Variants in HDAC8 observed in about 807,000 individuals in gnomAD.
HDAC8 encodes the protein histone deacetylase-like 1.
Under a neutral mutation model 32.2 loss-of-function variants are expected in HDAC8, and 1 was observed. That is an observed-to-expected ratio of 0.03 (90% confidence interval 0.01 to 0.15). The LOEUF is 0.15. Ranked by LOEUF, HDAC8 falls within the 10% of genes least tolerant of loss-of-function variation. HDAC8 has a pLI of 1.00. For synonymous variants in HDAC8, 108 were observed against 113.9 expected (o/e 0.95, Z 0.33); for missense variants, 117 against 300.0 (o/e 0.39, Z 4.51).
intron 4 of HDAC8, among the ~76,000 whole-genome samples, chrX:72,503,449 T>C (rs1217709416): frequency 1.8e-5 from 2 of 111,979 alleles, no homozygotes; most frequent in African/African-American, 6.5e-5. Flanking sequence ...GTTTGGAATA[T>C]TGCTAAAGCT....
At chrX:72,532,559 T>C (rs1161013858) in intron 4 of HDAC8, among the ~76,000 whole-genome samples, 1 of 107,022 alleles carries the variant, frequency 9.3e-6, no homozygotes, top group Non-Finnish European at 1.9e-5. Context: ...TAGCACGCTG[T>C]AACCTCAAAC....
intron 4 of HDAC8, among the ~76,000 whole-genome samples, chrX:72,522,099 A>G (rs922439368): frequency 3.6e-4 from 40 of 112,241 alleles, no homozygotes; most frequent in Non-Finnish European, 6.4e-4. Context: ...GTGAAACCCA[A>G]CAGGCACACA....
chrX:72,453,487 A>AGAAAGAAAGAAG (rs1555988490), intron 9 of HDAC8, among the ~76,000 whole-genome samples: 13 of 105,547 alleles, frequency 1.2e-4, no homozygotes, highest in African/African-American at 4.6e-4. Flanking sequence ...AAAGAAAGAA[A>AGAAAGAAAGAAG]GAAAGAAAGA....
At chrX:72,426,718 T>C (rs1377684955) in intron 9 of HDAC8, among the ~76,000 whole-genome samples, 1 of 110,817 alleles carries the variant, frequency 9.0e-6, no homozygotes, top group African/African-American at 3.3e-5. Context: ...TGGCTGTGTA[T>C]GCAGTCACAA....
intron 9 of HDAC8, among the ~76,000 whole-genome samples, chrX:72,441,488 G>A (rs377115646): frequency 3.6e-5 from 4 of 112,072 alleles, no homozygotes; most frequent in African/African-American, 9.7e-5. Flanking sequence ...TGTCTGTTAG[G>A]AGGAAAACTA....
chrX:72,350,838 G>A (rs946865759), intron 10 of HDAC8, among the ~76,000 whole-genome samples: 1 of 111,681 alleles, frequency 9.0e-6, no homozygotes, highest in Admixed American at 9.5e-5. Flanking sequence ...CCTCTACCCC[G>A]AGGCCAGAAT....
intron 7 of HDAC8, among the ~76,000 whole-genome samples, chrX:72,471,667 A>G (rs1303820411): frequency 8.9e-6 from 1 of 111,792 alleles, no homozygotes; most frequent in African/African-American, 3.3e-5. Context: ...AATAATATCT[A>G]TTTCAACCCT....
At chrX:72,565,803 G>T (rs1419468935) in intron 4 of HDAC8, among the ~76,000 whole-genome samples, 3 of 110,883 alleles carry the variant, frequency 2.7e-5, no homozygotes, top group African/African-American at 9.9e-5. Flanking sequence ...CCTGGGAGGG[G>T]AGAGGGTCAT....
rs142712434 is a variant in HDAC8, at chrX:72,331,870, C to T, written c.1112-1794G>A. The stretch of plus-strand genomic sequence containing the variant: ...TGTAACCTCAACCACAATCAAGATG[C>T]GAAACTATTTTATCACCACAAAGAT... On this transcript the variant is annotated intron_variant, in intron 10 of 10. Transcript: ENST00000373573. Among the ~76,000 whole-genome samples, 778 of 111,969 alleles carry T rather than the reference C, an allele frequency of 6.9e-3. 5 individuals carry two copies. The highest frequency in any genetic ancestry group is 0.024 in the African/African-American group (727 of 30,843).
Position 72,484,454 on chromosome X carries a change from A to G in HDAC8, c.737+4479T>C, listed in dbSNP as rs782585294. 1.9e-3 allele frequency among the ~76,000 whole-genome samples: 208 copies of G among 112,325 alleles called. 1 individual carries two copies. Among genetic ancestry groups the G allele is most frequent in the Non-Finnish European group, 3.6e-3 (189 of 53,238 alleles). On this transcript the variant is annotated intron_variant, in intron 7 of 10. Coordinates refer to ENST00000373573, the MANE Select transcript of HDAC8 (RefSeq NM_018486.3). ...CCTTTTGGTGAAATTACTAAGCTGA[A>G]TAGTTGAATATTCTTAAAAAAACAT... is the stretch of plus-strand genomic sequence containing the variant.
chrX:72,384,785 G>A (rs2045374933), intron 9 of HDAC8, among the ~76,000 whole-genome samples: 1 of 112,441 alleles, frequency 8.9e-6, no homozygotes, highest in Non-Finnish European at 1.9e-5. Context: ...TAGATACCCA[G>A]TTCCCTTACC....
At chrX:72,397,346 T>C (rs1401208149) in intron 9 of HDAC8, among the ~76,000 whole-genome samples, 1 of 112,281 alleles carries the variant, frequency 8.9e-6, no homozygotes, top group African/African-American at 3.2e-5. Flanking sequence ...CTTTATCTCT[T>C]CTGCAGCTCC....
intron 9 of HDAC8, among the ~76,000 whole-genome samples, chrX:72,361,635 C>T (rs1415595122): frequency 9.2e-6 from 1 of 108,414 alleles, no homozygotes; most frequent in African/African-American, 3.4e-5. Context: ...TGTGTGTGTG[C>T]GTGTATATGT....
At chrX:72,548,275 T>G (rs2050931117) in intron 4 of HDAC8, among the ~76,000 whole-genome samples, 1 of 111,510 alleles carries the variant, frequency 9.0e-6, no homozygotes, top group Non-Finnish European at 1.9e-5. Flanking sequence ...ACCTACCAAA[T>G]CAAGATGTCT....
chrX:72,374,931 A>G (rs782729969), intron 9 of HDAC8, among the ~76,000 whole-genome samples: 2 of 106,085 alleles, frequency 1.9e-5, no homozygotes, highest in African/African-American at 6.9e-5. Context: ...CACCCTCTCC[A>G]CCTACTGCCT....
intron 10 of HDAC8, among the ~76,000 whole-genome samples, chrX:72,338,778 G>A: frequency 9.7e-6 from 1 of 103,225 alleles, no homozygotes; most frequent in Non-Finnish European, 2.0e-5. Flanking sequence ...GCCAAGCCCA[G>A]TGGCTCACGC....
At chrX:72,440,277 G>A (rs1309312407) in intron 9 of HDAC8, among the ~76,000 whole-genome samples, 6 of 111,628 alleles carry the variant, frequency 5.4e-5, no homozygotes, top group African/African-American at 2.0e-4. Context: ...TGAAACCAAT[G>A]AGAACAAAGA....
intron 10 of HDAC8, among the ~76,000 whole-genome samples, chrX:72,345,929 C>A (rs1355726754): frequency 1.8e-5 from 2 of 111,848 alleles, no homozygotes; most frequent in Non-Finnish European, 3.8e-5. Flanking sequence ...AGCAATCCAC[C>A]TGCCTCAGTC....
intron 9 of HDAC8, among the ~76,000 whole-genome samples, chrX:72,436,540 G>T (rs2046955694): frequency 9.2e-6 from 1 of 109,185 alleles, no homozygotes; most frequent in African/African-American, 3.3e-5. Context: ...AAGACGAAAA[G>T]AACTTATCAG....
Sources: gnomAD v4.1 joint callset for allele counts (sites outside exome capture counted in the v4.1 genomes callset) on GRCh38, gnomAD v4.1.1 for gene constraint, MANE v1.5 for transcripts, NCBI Gene and HGNC (gene_info 2026-07-23, HGNC 2026-07-21) for gene names.